Variants in SLC35F1 observed in about 807,000 individuals in gnomAD.
SLC35F1 encodes the protein chromosome 6 open reading frame 169.
Under a neutral mutation model 48.7 loss-of-function variants are expected in SLC35F1, and 14 were observed. The observed-to-expected ratio is 0.29, with a 90% confidence interval of 0.19 to 0.45. The LOEUF is 0.45. Ranked by LOEUF, SLC35F1 falls within the 20% of genes least tolerant of loss-of-function variation. SLC35F1 has a pLI of 1.00. For missense variants in SLC35F1, 404 were observed against 500.0 expected (o/e 0.81, Z 1.83); for synonymous variants, 190 against 202.2 (o/e 0.94, Z 0.51).
chr6:118,197,078 C>T (rs985407044), intron 2 of SLC35F1, among the ~76,000 whole-genome samples: 1 of 150,706 alleles, frequency 6.6e-6, no homozygotes, highest in East Asian at 1.9e-4. Context: ...CCTATAGTAA[C>T]CATTTCACTA....
rs1310244955 is a variant in SLC35F1 at position 118,235,506 on chromosome 6, C to G, written c.350-3C>G. ...CCCATTTCTTCTTAACTTTGTAACA[C>G]AGGAGAAGAAAACCTCCTGGCAATT... is the stretch of plus-strand genomic sequence containing the variant. On this transcript the variant is annotated splice_region_variant and splice_polypyrimidine_tract_variant and intron_variant, in intron 2 of 7. Transcript: ENST00000360388. 1 of 1,612,288 alleles carries G rather than the reference C, an allele frequency of 6.2e-7. No individual in the cohort carries two copies.
chr6:117,954,852 T>C (rs1479394433), intron 1 of SLC35F1, among the ~76,000 whole-genome samples: 1 of 152,210 alleles, frequency 6.6e-6, no homozygotes, highest in East Asian at 1.9e-4. Flanking sequence ...CTGCAAGAAA[T>C]ACAGTGGTGA....
At chr6:118,070,848 A>G (rs1582649216) in intron 1 of SLC35F1, among the ~76,000 whole-genome samples, 1 of 143,052 alleles carries the variant, frequency 7.0e-6, no homozygotes, top group East Asian at 2.0e-4. Context: ...CTATGTATAT[A>G]TATACACATA....
intron 1 of SLC35F1, among the ~76,000 whole-genome samples, chr6:118,035,939 G>A (rs4307205): frequency 0.055 from 8,374 of 151,758 alleles, 787 homozygotes; most frequent in African/African-American, 0.19. Context: ...TGATCCGCCC[G>A]CCTCGGCCTC....
At chr6:118,254,436 C>T (rs1249626960) in intron 3 of SLC35F1, among the ~76,000 whole-genome samples, 1 of 152,106 alleles carries the variant, frequency 6.6e-6, no homozygotes, top group Non-Finnish European at 1.5e-5. Flanking sequence ...TGTGTGCCAC[C>T]ACGCCTAGCT....
chr6:118,136,092 C>T (rs1302978027), intron 1 of SLC35F1, among the ~76,000 whole-genome samples: 1 of 152,182 alleles, frequency 6.6e-6, no homozygotes, highest in African/African-American at 2.4e-5. Flanking sequence ...TCTCACAGCC[C>T]CTTCTGATGA....
intron 2 of SLC35F1, among the ~76,000 whole-genome samples, chr6:118,233,463 CAT>C (rs1197669783): frequency 1.3e-5 from 2 of 152,224 alleles, no homozygotes; most frequent in Non-Finnish European, 1.5e-5. Flanking sequence ...CCAGCCTTCT[CAT>C]GTGCAAAACC....
chr6:118,044,450 G>T (rs1478296911), intron 1 of SLC35F1, among the ~76,000 whole-genome samples: 1 of 151,966 alleles, frequency 6.6e-6, no homozygotes, highest in African/African-American at 2.4e-5. Flanking sequence ...ATTCTCCAGG[G>T]TTCTTCACTT....
At chr6:118,268,956 T>C (rs1297109347) in intron 4 of SLC35F1, among the ~76,000 whole-genome samples, 1 of 152,160 alleles carries the variant, frequency 6.6e-6, no homozygotes, top group Non-Finnish European at 1.5e-5. Flanking sequence ...GCACACTGTG[T>C]AAACACAGGC....
At chr6:118,201,035 C>G (rs1222890568) in intron 2 of SLC35F1, among the ~76,000 whole-genome samples, 1 of 152,146 alleles carries the variant, frequency 6.6e-6, no homozygotes, top group South Asian at 2.1e-4. Context: ...CCTCAGCCCC[C>G]CAAGTAGCTG....
chr6:117,954,450 G>T (rs1018504790), intron 1 of SLC35F1, among the ~76,000 whole-genome samples: 3 of 151,980 alleles, frequency 2.0e-5, no homozygotes, highest in African/African-American at 7.2e-5. Context: ...ACAGAGATGG[G>T]GTTTTACCAT....
intron 1 of SLC35F1, among the ~76,000 whole-genome samples, chr6:118,014,904 T>A (rs1325104843): frequency 6.6e-6 from 1 of 152,138 alleles, no homozygotes; most frequent in African/African-American, 2.4e-5. Context: ...AGTGATATGG[T>A]TTGGCTGTGT....
intron 2 of SLC35F1, among the ~76,000 whole-genome samples, chr6:118,196,920 T>C (rs960249522): frequency 5.9e-5 from 9 of 152,136 alleles, no homozygotes; most frequent in Middle Eastern, 3.4e-3. Flanking sequence ...AACAGCCAAT[T>C]TTCCCAATAC....
At chr6:118,195,481 G>T (rs1345757911) in intron 2 of SLC35F1, among the ~76,000 whole-genome samples, 1 of 151,484 alleles carries the variant, frequency 6.6e-6, no homozygotes, top group Non-Finnish European at 1.5e-5. Context: ...TTGCTCTCAG[G>T]TTCCCTTGGT....
chr6:118,057,249 A>G (rs1042168411), intron 1 of SLC35F1, among the ~76,000 whole-genome samples: 1 of 152,178 alleles, frequency 6.6e-6, no homozygotes, highest in South Asian at 2.1e-4. Context: ...CATGCTAGAG[A>G]TGTTAATAAC....
At chr6:118,017,600 A>G (rs1479850926) in intron 1 of SLC35F1, among the ~76,000 whole-genome samples, 1 of 152,160 alleles carries the variant, frequency 6.6e-6, no homozygotes, top group African/African-American at 2.4e-5. Context: ...CGTACTAATT[A>G]TGTTTCTGTC....
At chr6:117,930,203 T>TA (rs1008556193) in intron 1 of SLC35F1, among the ~76,000 whole-genome samples, 6 of 152,222 alleles carry the variant, frequency 3.9e-5, no homozygotes, top group African/African-American at 7.2e-5. Flanking sequence ...TTTATTGTCT[T>TA]ATGTCCTCAG....
At chr6:118,037,851 ACACACTG>A (rs1164955898) in intron 1 of SLC35F1, among the ~76,000 whole-genome samples, 2 of 144,316 alleles carry the variant, frequency 1.4e-5, no homozygotes, top group Non-Finnish European at 3.0e-5. Flanking sequence ...GGGGAACATC[ACACACTG>A]GGGCCTGTTG....
intron 1 of SLC35F1, among the ~76,000 whole-genome samples, chr6:117,966,088 A>C (rs1419352070): frequency 1.4e-5 from 2 of 146,652 alleles, no homozygotes; most frequent in Non-Finnish European, 3.0e-5. Flanking sequence ...ACCAATTAGC[A>C]GGATGTAGGT....
Sources: gnomAD v4.1 joint callset for allele counts (sites outside exome capture counted in the v4.1 genomes callset) on GRCh38, gnomAD v4.1.1 for gene constraint, MANE v1.5 for transcripts, NCBI Gene and HGNC (gene_info 2026-07-23, HGNC 2026-07-21) for gene names.